ADAM18: variants seen among roughly 807,000 people sequenced by gnomAD.
The protein encoded by ADAM18 is disintegrin and metalloproteinase domain-containing protein 18.
ADAM18 carries 117 observed loss-of-function variants against 94.4 expected under a neutral mutation model. The ratio of observed to expected loss-of-function variants is 1.24; its 90% CI spans 1.07 to 1.45. ADAM18 has a LOEUF of 1.45. Ranked by LOEUF, ADAM18 falls within the 40% of genes most tolerant of loss-of-function variation. The probability of loss-of-function intolerance (pLI) is 0.00; values close to 1 mark genes in which losing one functional copy is unlikely to be tolerated. For synonymous variants in ADAM18, 327 were observed against 291.6 expected, an observed-to-expected ratio of 1.12 and a Z score of -1.24; for missense variants, 936 against 880.0, an observed-to-expected ratio of 1.06 and a Z score of -0.81.
chr8:39,661,319 A>ATTTTTTTTTT (rs71518171), intron 12 of ADAM18, among the ~76,000 whole-genome samples: 20 of 112,816 alleles, frequency 1.8e-4, no homozygotes, highest in African/African-American at 4.9e-4. Flanking sequence ...CACCCGGCAA[A>ATTTTTTTTTT]TTTTTTTTTT....
At chr8:39,697,832 A>G (rs979088858) in intron 17 of ADAM18, among the ~76,000 whole-genome samples, 1 of 151,692 alleles carries the variant, frequency 6.6e-6, no homozygotes, top group Non-Finnish European at 1.5e-5. Flanking sequence ...AGTCAGATGC[A>G]TTTTACTTTT....
chr8:39,716,150 G>T (rs757611783), intron 18 of ADAM18, among the ~76,000 whole-genome samples: 12 of 138,326 alleles, frequency 8.7e-5, no homozygotes, highest in Non-Finnish European at 1.7e-4. Flanking sequence ...ACAGCTTTTA[G>T]TTTCACTGAT....
chr8:39,616,493 C>T (rs1194025168), intron 6 of ADAM18, among the ~76,000 whole-genome samples: 1 of 152,174 alleles, frequency 6.6e-6, no homozygotes, highest in Non-Finnish European at 1.5e-5. Context: ...CAACCAACAA[C>T]GTTTTTCACG....
chr8:39,657,364 T>G (rs544686284), intron 12 of ADAM18, among the ~76,000 whole-genome samples: 2 of 152,286 alleles, frequency 1.3e-5, no homozygotes, highest in East Asian at 3.9e-4. Flanking sequence ...CAGGCTGGAG[T>G]GCAGTGGCTT....
At chr8:39,651,602 CA>C (rs1167361014) in intron 12 of ADAM18, among the ~76,000 whole-genome samples, 6 of 67,968 alleles carry the variant, frequency 8.8e-5, no homozygotes, top group Non-Finnish European at 1.5e-4. Context: ...GAGTTGACAG[CA>C]CATGTTTTCA....
intron 14 of ADAM18, among the ~76,000 whole-genome samples, chr8:39,669,128 A>G (rs1821078073): frequency 1.3e-5 from 2 of 151,850 alleles, no homozygotes; most frequent in Non-Finnish European, 2.9e-5. Context: ...AGGGTTTAAA[A>G]TATCTCTTAA....
chr8:39,719,505 G>A (rs1822685796), intron 18 of ADAM18, among the ~76,000 whole-genome samples: 3 of 151,354 alleles, frequency 2.0e-5, no homozygotes, highest in African/African-American at 4.8e-5. Flanking sequence ...AAAAGCCACT[G>A]TTAGGGGAAT....
chr8:39,615,148 A>G (rs578005724), intron 6 of ADAM18, among the ~76,000 whole-genome samples: 2 of 152,100 alleles, frequency 1.3e-5, no homozygotes, highest in Non-Finnish European at 2.9e-5. Context: ...AGAACAGAAT[A>G]TACATTTTTC....
chr8:39,679,961 A>G (rs1821398235), intron 15 of ADAM18, 76 bp from the exon 16 acceptor site: 2 of 1,378,944 alleles, frequency 1.5e-6, no homozygotes, highest in Non-Finnish European at 2.0e-6. Flanking sequence ...GTATGTTACC[A>G]TTATGCAGTA....
Position 39,584,608 on chromosome 8 carries a change from C to T in ADAM18, c.-15C>T, listed in dbSNP as rs774153416. The T allele has an allele frequency of 1.1e-5, 17 of 1,611,950 alleles. No individual in the cohort carries two copies. Among genetic ancestry groups the T allele is most frequent in the East Asian group, 6.7e-5 (3 of 44,888 alleles). ...TCTCTGTCCTTGGCTGTGGCTCCTG[C>T]GCTCTGGCTGAGCCATGTTCCTTCT... On this transcript the variant is annotated 5_prime_UTR_variant, in exon 1 of 20. Transcript: ENST00000265707.
rs140427632 is a variant in ADAM18, at chr8:39,682,430, T to C, written c.1821+2204T>C. On this transcript the variant is annotated intron_variant, in intron 16 of 19. Coordinates refer to ENST00000265707, the MANE Select transcript of ADAM18 (RefSeq NM_014237.3). ...AAAATTCTACTGAGAGGAGGCAGGC[T>C]GAGATAATTGCTCAAAGTCAAATAT... Among the ~76,000 whole-genome samples the C allele has an allele frequency of 8.1e-3, 1,232 of 152,244 alleles. 17 individuals are homozygous for C. Among genetic ancestry groups the C allele is most frequent in the African/African-American group, 0.028 (1,164 of 41,542 alleles).
intron 12 of ADAM18, among the ~76,000 whole-genome samples, chr8:39,662,305 A>G (rs1421241561): frequency 3.3e-5 from 5 of 152,220 alleles, no homozygotes; most frequent in East Asian, 1.9e-4. Flanking sequence ...ACAGTAAATT[A>G]TACAATGTGA....
chr8:39,691,107 A>G (rs1821763018), intron 16 of ADAM18, among the ~76,000 whole-genome samples: 1 of 152,186 alleles, frequency 6.6e-6, no homozygotes, highest in Non-Finnish European at 1.5e-5. Flanking sequence ...GAACCAGATG[A>G]TATATATGCA....
chr8:39,619,443 T>A (rs1410555490), intron 6 of ADAM18, among the ~76,000 whole-genome samples: 2 of 152,190 alleles, frequency 1.3e-5, no homozygotes, highest in African/African-American at 4.8e-5. Flanking sequence ...AACAAAGTTT[T>A]TAAAAATTGA....
chr8:39,633,260 C>A (rs1373133040), intron 7 of ADAM18, among the ~76,000 whole-genome samples: 1 of 152,120 alleles, frequency 6.6e-6, no homozygotes, highest in Non-Finnish European at 1.5e-5. Flanking sequence ...GTTGCCATTG[C>A]AAATGCCTAA....
intron 3 of ADAM18, among the ~76,000 whole-genome samples, chr8:39,606,902 A>T (rs1333466559): frequency 1.3e-5 from 2 of 152,116 alleles, no homozygotes; most frequent in African/African-American, 4.8e-5. Flanking sequence ...TCAGTGGGGG[A>T]ACTTCTGAGC....
intron 14 of ADAM18, among the ~76,000 whole-genome samples, chr8:39,676,350 A>G (rs891909311): frequency 2.6e-5 from 4 of 152,216 alleles, no homozygotes; most frequent in Admixed American, 2.0e-4. Context: ...AGCCTCAGCA[A>G]TGGCTGATAC....
At chr8:39,725,542 A>G (rs1027909704) in intron 19 of ADAM18, among the ~76,000 whole-genome samples, 4 of 152,128 alleles carry the variant, frequency 2.6e-5, no homozygotes, top group African/African-American at 7.2e-5. Context: ...CTCTGCTTCT[A>G]TGAATTTGAT....
At chr8:39,682,024 T>C (rs1233485399) in intron 16 of ADAM18, among the ~76,000 whole-genome samples, 2 of 152,164 alleles carry the variant, frequency 1.3e-5, no homozygotes, top group South Asian at 4.1e-4. Flanking sequence ...TTCCAAGAAC[T>C]ATCAGGAAAA....
Sources: gnomAD v4.1 joint callset for allele counts (sites outside exome capture counted in the v4.1 genomes callset) on GRCh38, gnomAD v4.1.1 for gene constraint, MANE v1.5 for transcripts, NCBI Gene and HGNC (gene_info 2026-07-23, HGNC 2026-07-21) for gene names.